Variants in PLCG2 observed in about 807,000 individuals in gnomAD.
PLCG2 encodes 1-phosphatidylinositol 4,5-bisphosphate phosphodiesterase gamma-2.
PLCG2 carries 69 observed loss-of-function variants against 175.6 expected under a neutral mutation model. That is an observed-to-expected ratio of 0.39 (90% CI 0.32 to 0.48). PLCG2 has a LOEUF of 0.48. Among genes scored for constraint, PLCG2 ranks in the 20% least tolerant of loss-of-function variants. The pLI, the probability that PLCG2 is intolerant of heterozygous loss-of-function variation, is 0.91. For missense variants in PLCG2, 1,798 were observed against 1,650.9 expected (o/e 1.09, Z -1.54); for synonymous variants, 827 against 624.0 (o/e 1.33, Z -4.85).
intron 1 of PLCG2, among the ~76,000 whole-genome samples, chr16:81,744,291 A>G (rs569831058): frequency 4.6e-5 from 7 of 151,756 alleles, no homozygotes; most frequent in African/African-American, 1.7e-4. Flanking sequence ...CAGCCTCCCA[A>G]GTAGCTGGGA....
chr16:81,936,222 A>G lies in PLCG2; in HGVS notation c.2896A>G (p.Ile966Val), dbSNP rs1468901406. 1.2e-6 allele frequency: 2 copies of G among 1,614,208 alleles called. No homozygotes were observed. Among genetic ancestry groups the G allele is most frequent in the Admixed American group, 1.7e-5 (1 of 60,022 alleles). The change falls in exon 27 of 33, where the codon ATC becomes GTC. Residue 966 changes from isoleucine (I) to valine (V), a missense_variant. Transcript: ENST00000564138. ...CTTTGTGGAGACGAAGGCTGACAGC[A>G]TCATCAGACAGAAGCCCGTCGACCT... ...RSFVETKADSIIRQKPVDLLK... is the reference protein window; with the variant it reads ...RSFVETKADSVIRQKPVDLLK...
At chr16:81,899,289 T>TATATATATACACACACACACAC (rs908648451) in intron 13 of PLCG2, among the ~76,000 whole-genome samples, 20 of 92,416 alleles carry the variant, frequency 2.2e-4, no homozygotes, top group African/African-American at 7.6e-4. Context: ...TATATATATA[T>TATATATATACACACACACACAC]ACACACACAC....
intron 13 of PLCG2, among the ~76,000 whole-genome samples, chr16:81,896,946 T>A (rs964543858): frequency 6.6e-6 from 1 of 152,202 alleles, no homozygotes. Context: ...CACCAGAAGA[T>A]CTTGGTCTGG....
rs936532461 is a variant in PLCG2, at chr16:81,960,304, G to C, written c.*2306G>C. 2.7e-5 allele frequency: 6 copies of C among 220,470 alleles called. No individual in the cohort carries two copies. The highest frequency in any genetic ancestry group is 6.7e-5 in the African/African-American group (3 of 44,628). 13.7% of individuals were successfully genotyped at this position (220,470 alleles called of 1,614,324 possible). On this transcript the variant is annotated 3_prime_UTR_variant, in exon 33 of 33. Transcript: ENST00000564138. ...CTACATAACTTCAGTATCTAGCTGA[G>C]ACATGCTTCCTACATGACTGTTAAA...
At chr16:81,909,905 G>A (rs1010710173) in intron 17 of PLCG2, among the ~76,000 whole-genome samples, 1 of 151,846 alleles carries the variant, frequency 6.6e-6, no homozygotes, top group Admixed American at 6.6e-5. Flanking sequence ...AGACAGCACG[G>A]GTGACCTGCT....
Position 81,958,049 on chromosome 16 carries a change from C to T in PLCG2, c.*51C>T, listed in dbSNP as rs1357189061. 5 of 1,323,504 alleles carry T rather than the reference C, an allele frequency of 3.8e-6. No homozygotes were observed. Among genetic ancestry groups the T allele is most frequent in the East Asian group, 4.6e-5 (2 of 43,500 alleles). 82.0% of individuals were successfully genotyped at this position (1,323,504 alleles called of 1,614,324 possible). A position where few individuals can be genotyped will look rare whatever the true frequency, so the allele number is the denominator to read the frequency against. ...TTGTGTGTGTGCGCATGTGTGTTTG[C>T]ATGTAGGAGAACGTGCCCTATTCAC... On this transcript the variant is annotated 3_prime_UTR_variant, in exon 33 of 33. Transcript: ENST00000564138.
chr16:81,958,204 T>C lies in PLCG2; in HGVS notation c.*206T>C, dbSNP rs774753512. The stretch of plus-strand genomic sequence containing the variant: ...CATCTTGGACAACTTTCTTAACTTA[T>C]ATTCTTTATAGAGGATTCCCCAAAA... On this transcript the variant is annotated 3_prime_UTR_variant, in exon 33 of 33. Transcript: ENST00000564138. The C allele has an allele frequency of 3.3e-5, 19 of 584,516 alleles. No individual in the cohort carries two copies. Among genetic ancestry groups the C allele is most frequent in the Middle Eastern group, 4.5e-4 (1 of 2,198 alleles). The allele number at this position is 584,516 out of a possible 1,614,324, so 36.2% of individuals were successfully genotyped here.
rs146987248 is a variant in PLCG2, at chr16:81,791,621, A to G, written c.193+5439A>G. 4.8e-3 allele frequency among the ~76,000 whole-genome samples: 732 copies of G among 152,186 alleles called. 26 individuals carry two copies. The East Asian group carries it at 0.11, about 23-fold the overall frequency. On this transcript the variant is annotated intron_variant, in intron 2 of 32. Coordinates refer to ENST00000564138, the MANE Select transcript of PLCG2 (RefSeq NM_002661.5). ...TCTCTGTCACCCAGGCTGGAGTGCA[A>G]TGGTGCAGCCTCGGCTCACTGCAAC...
intron 22 of PLCG2, among the ~76,000 whole-genome samples, chr16:81,926,619 T>C (rs1179968504): frequency 4.6e-5 from 7 of 152,296 alleles, no homozygotes; most frequent in African/African-American, 1.4e-4. Context: ...TAAAACCCTC[T>C]GAGGGAAGCA....
chr16:81,880,343 A>G (rs142842781), intron 7 of PLCG2, among the ~76,000 whole-genome samples: 8 of 152,344 alleles, frequency 5.3e-5, no homozygotes, highest in African/African-American at 1.9e-4. Flanking sequence ...ATCAAAGCCA[A>G]TGTGCCTACA....
At chr16:81,917,354 C>A (rs924886860) in intron 19 of PLCG2, among the ~76,000 whole-genome samples, 28 of 151,822 alleles carry the variant, frequency 1.8e-4, no homozygotes, top group Non-Finnish European at 3.2e-4. Context: ...GTGCTATGAA[C>A]ATGGGAGTGC....
chr16:81,910,087 T>C (rs1423003709), intron 17 of PLCG2, among the ~76,000 whole-genome samples: 1 of 151,892 alleles, frequency 6.6e-6, no homozygotes, highest in East Asian at 1.9e-4. Context: ...GCCCTGCATC[T>C]GGTTTTGTTG....
At chr16:81,813,300 T>C (rs957761343) in intron 2 of PLCG2, among the ~76,000 whole-genome samples, 3 of 152,264 alleles carry the variant, frequency 2.0e-5, no homozygotes, top group Non-Finnish European at 4.4e-5. Context: ...TTCCTGTCCA[T>C]GAGCATGGAA....
chr16:81,936,330 C>A lies in PLCG2; in HGVS notation c.3004C>A (p.Leu1002Ile), dbSNP rs977656147. 6.8e-6 allele frequency: 11 copies of A among 1,614,092 alleles called. No individual in the cohort carries two copies. Among genetic ancestry groups the A allele is most frequent in the African/African-American group, 1.3e-5 (1 of 74,942 alleles). The stretch of plus-strand genomic sequence containing the variant: ...CTCTTCAAACTACGACCCCTTCCGC[C>A]TCTGGCTGTGCGGTTCTCAGATGGT... ...VDSSNYDPFR[L>I]WLCGSQMVAL... Residue 1002 changes from leucine (L) to isoleucine (I), a missense_variant, in exon 27 of 33, where the codon CTC becomes ATC. Transcript: ENST00000564138.
intron 5 of PLCG2, among the ~76,000 whole-genome samples, chr16:81,866,064 C>T (rs1437701693): frequency 4.4e-5 from 6 of 136,068 alleles, no homozygotes; most frequent in Admixed American, 3.6e-4. Flanking sequence ...CTGGCCTCTC[C>T]CTTGCTCCCA....
intron 7 of PLCG2, among the ~76,000 whole-genome samples, chr16:81,871,699 A>G (rs1256916594): frequency 6.6e-6 from 1 of 152,190 alleles, no homozygotes; most frequent in Non-Finnish European, 1.5e-5. Flanking sequence ...ATAATAGACT[A>G]TTTAAAAATT....
In PLCG2 at chr16:81,772,619, G is replaced by A. The variant is rs144783299; in HGVS notation, c.-47-13324G>A. 2.6e-3 allele frequency among the ~76,000 whole-genome samples: 387 copies of A among 150,714 alleles called. 2 individuals carry two copies. Among genetic ancestry groups the A allele is most frequent in the African/African-American group, 9.0e-3 (369 of 41,026 alleles). ...GAGGTCAGGAGTTCAAGACCAGCCTGGCCAACATGGTGAAACCCTGTTTCT... is the reference window on the plus strand; with the variant it reads ...GAGGTCAGGAGTTCAAGACCAGCCTAGCCAACATGGTGAAACCCTGTTTCT... On this transcript the variant is annotated intron_variant, in intron 2 of 5. Coordinates refer to the PLCG2 transcript ENST00000565054.
chr16:81,798,185 A>G (rs1428102192), intron 2 of PLCG2, among the ~76,000 whole-genome samples: 2 of 152,174 alleles, frequency 1.3e-5, no homozygotes, highest in South Asian at 2.1e-4. Context: ...TTACCCCATC[A>G]GATCACTGGG....
upstream of PLCG2, among the ~76,000 whole-genome samples, chr16:81,778,043 C>G (rs150605543): frequency 1.7e-5 from 1 of 59,860 alleles, no homozygotes; most frequent in Non-Finnish European, 3.2e-5. Context: ...AAAAAAAAAA[C>G]AAAAAAAAAA....
Sources: gnomAD v4.1 joint callset for allele counts (sites outside exome capture counted in the v4.1 genomes callset) on GRCh38, gnomAD v4.1.1 for gene constraint, MANE v1.5 for transcripts, NCBI Gene and HGNC (gene_info 2026-07-23, HGNC 2026-07-21) for gene names.